SYT13: variants seen among roughly 807,000 people sequenced by gnomAD.
The protein encoded by SYT13 is synaptotagmin 13, also known as synaptotagmin-13.
Under a neutral mutation model 38.6 loss-of-function variants are expected in SYT13, and 21 were observed. The observed-to-expected ratio is 0.54, with a 90% CI of 0.39 to 0.78. The LOEUF (loss-of-function observed/expected upper bound fraction) is 0.78, where lower values mean the gene tolerates loss of function less well. Ranked by LOEUF, SYT13 falls within the 30% of genes least tolerant of loss-of-function variation. SYT13 has a pLI of 0.00. For missense variants in SYT13, 495 were observed against 548.7 expected (o/e 0.90, Z 0.98); for synonymous variants, 241 against 237.6 (o/e 1.01, Z -0.13).
intron 1 of SYT13, among the ~76,000 whole-genome samples, chr11:45,275,907 C>G (rs1378082113): frequency 6.6e-6 from 1 of 152,146 alleles, no homozygotes; most frequent in African/African-American, 2.4e-5. Context: ...GCAGCAGGTG[C>G]AAACTTGCTG....
chr11:45,282,897 T>TA (rs1427150429), intron 1 of SYT13, among the ~76,000 whole-genome samples: 1 of 152,196 alleles, frequency 6.6e-6, no homozygotes, highest in Non-Finnish European at 1.5e-5. Context: ...CCTGTAACCC[T>TA]AACAGTTTGA....
Position 45,244,222 on chromosome 11 carries a change from C to A in SYT13, c.1111G>T (p.Ala371Ser). 1.9e-6 allele frequency: 3 copies of A among 1,614,068 alleles called. No homozygotes were observed. Among genetic ancestry groups the A allele is most frequent in the Non-Finnish European group, 2.5e-6 (3 of 1,180,052 alleles). The change falls in exon 6 of 6, where the codon GCC (alanine) becomes TCC (serine). Residue 371 changes from alanine (A) to serine (S), a missense_variant. Physicochemically the swap from Ala to Ser is moderately conservative, Grantham distance 99. Transcript: ENST00000020926. Reference sequence around the variant, plus strand: ...AGCACTTCCAGCTCCACACTGGAGGCCTGCAGCAGGTCGTCAGGCAGCTCA... The same window carrying A: ...AGCACTTCCAGCTCCACACTGGAGGACTGCAGCAGGTCGTCAGGCAGCTCA... ...MFELPDDLLQASSVELEVLGQ... is the reference protein window; with the variant it reads ...MFELPDDLLQSSSVELEVLGQ...
rs193014906 is a variant in SYT13 at position 45,260,299 on chromosome 11, T to C, written c.184-4408A>G. ...TCAAGGAGCAAAAGCAGCAGCTGAT[T>C]ACCTATCTCCTTCTCTTGTGCAATC... On this transcript the variant is annotated intron_variant, in intron 1 of 5. Coordinates refer to ENST00000020926, the MANE Select transcript of SYT13 (RefSeq NM_020826.3). 2.0e-5 allele frequency among the ~76,000 whole-genome samples: 3 copies of C among 152,350 alleles called. No individual in the cohort carries two copies. In the East Asian group the frequency reaches 5.8e-4, roughly 29 times the overall value.
intron 3 of SYT13, chr11:45,253,736 T>C (rs1854706386): frequency 6.6e-6 from 1 of 152,190 alleles, no homozygotes; most frequent in Non-Finnish European, 1.5e-5. Context: ...CCCTGTCCAA[T>C]TTCAAATTCA....
intron 1 of SYT13, among the ~76,000 whole-genome samples, chr11:45,283,330 C>T (rs1855096091): frequency 6.6e-6 from 1 of 152,146 alleles, no homozygotes; most frequent in African/African-American, 2.4e-5. Context: ...GCCTTGGACA[C>T]CTCTGTTGTG....
intron 1 of SYT13, 142 bp downstream of exon 1, chr11:45,285,883 T>C: frequency 1.1e-6 from 1 of 937,700 alleles, no homozygotes; most frequent in East Asian, 3.8e-5. Context: ...CCTTGACCTG[T>C]CCTCCAACGC....
rs552562002 is a variant in SYT13 at position 45,285,777 on chromosome 11, T to C, written c.183+248A>G. ...TAGGTCTCGCTGCTGGCCCCCATTC[T>C]TCTCTCAGTCCCCACAAGCTCGCCG... On this transcript the variant is annotated intron_variant, in intron 1 of 5. Transcript: ENST00000020926. 4.3e-6 allele frequency: 3 copies of C among 700,384 alleles called. No homozygotes were observed. In the Admixed American group the frequency reaches 6.1e-5, roughly 14 times the overall value. 43.4% of individuals were successfully genotyped at this position (700,384 alleles called of 1,614,324 possible).
Position 45,265,952 on chromosome 11 carries a change from T to C in SYT13, c.184-10061A>G, listed in dbSNP as rs368895430. Reference sequence around the variant, plus strand: ...GGGGAGAATGGACTGGGAAGAGGCATGTGAGGGGTATGGGTTACAGCCTGA... The same window carrying C: ...GGGGAGAATGGACTGGGAAGAGGCACGTGAGGGGTATGGGTTACAGCCTGA... On this transcript the variant is annotated intron_variant, in intron 1 of 5. Coordinates refer to ENST00000020926, the MANE Select transcript of SYT13 (RefSeq NM_020826.3). 1.1e-4 allele frequency among the ~76,000 whole-genome samples: 17 copies of C among 152,074 alleles called. 1 individual carries two copies. Among genetic ancestry groups the C allele is most frequent in the Admixed American group, 9.8e-4 (15 of 15,262 alleles).
chr11:45,260,944 G>C (rs1045646296), intron 1 of SYT13, among the ~76,000 whole-genome samples: 1 of 152,158 alleles, frequency 6.6e-6, no homozygotes, highest in Non-Finnish European at 1.5e-5. Context: ...TGAGTTATGA[G>C]ACACCAGGGA....
chr11:45,266,039 T>C (rs1041299488), intron 1 of SYT13, among the ~76,000 whole-genome samples: 1 of 152,182 alleles, frequency 6.6e-6, no homozygotes, highest in Non-Finnish European at 1.5e-5. Flanking sequence ...TTTCACTGTA[T>C]GCAAATTACA....
At chr11:45,266,091 A>G (rs900720429) in intron 1 of SYT13, among the ~76,000 whole-genome samples, 1 of 152,200 alleles carries the variant, frequency 6.6e-6, no homozygotes, top group African/African-American at 2.4e-5. Flanking sequence ...TTGTACACAC[A>G]TGCACCTCTG....
chr11:45,243,797 G>T lies in SYT13; in HGVS notation c.*255C>A. ...TAACCCCACCTATAAAACAGGCATA[G>T]GAACTGTATTTAATAAGCACCTCCT... is the stretch of plus-strand genomic sequence containing the variant. On this transcript the variant is annotated 3_prime_UTR_variant, in exon 6 of 6. Coordinates refer to ENST00000020926, the MANE Select transcript of SYT13 (RefSeq NM_020826.3). 1 of 452,030 alleles carries T rather than the reference G, an allele frequency of 2.2e-6. No homozygotes were observed. Among genetic ancestry groups the T allele is most frequent in the East Asian group, 3.5e-5 (1 of 28,312 alleles). The allele number at this position is 452,030 out of a possible 1,614,324, so 28.0% of individuals were successfully genotyped here. A position where few individuals can be genotyped will look rare whatever the true frequency, so the allele number is the denominator to read the frequency against.
chr11:45,279,989 C>T (rs1168481151), intron 1 of SYT13, among the ~76,000 whole-genome samples: 1 of 152,132 alleles, frequency 6.6e-6, no homozygotes, highest in East Asian at 1.9e-4. Context: ...CCCATGGCAC[C>T]CTGTGCTTCC....
Position 45,276,280 on chromosome 11 carries a change from C to T in SYT13, c.183+9745G>A, listed in dbSNP as rs1323620413. On this transcript the variant is annotated intron_variant, in intron 1 of 5. Transcript: ENST00000020926. The stretch of plus-strand genomic sequence containing the variant: ...AAAAAGGATGAGTTCATGTCCTTTG[C>T]AGGGATATGGATGAAGCTGGAAACT... 4.6e-5 allele frequency among the ~76,000 whole-genome samples: 7 copies of T among 152,240 alleles called. No homozygotes were observed. In the East Asian group the frequency reaches 1.3e-3, roughly 29 times the overall value.
intron 1 of SYT13, among the ~76,000 whole-genome samples, chr11:45,266,533 CAT>C (rs1491283725): frequency 1.8e-3 from 276 of 149,662 alleles, no homozygotes; most frequent in Non-Finnish European, 2.7e-3. Context: ...CACACACACA[CAT>C]ACACACATCC....
chr11:45,268,403 G>T (rs1854910253), intron 1 of SYT13, among the ~76,000 whole-genome samples: 2 of 150,220 alleles, frequency 1.3e-5, no homozygotes, highest in African/African-American at 4.9e-5. Context: ...GGGGGTGGGG[G>T]TGGGGCGCAG....
At chr11:45,267,842 A>C (rs7123765) in intron 1 of SYT13, among the ~76,000 whole-genome samples, 51,752 of 152,006 alleles carry the variant, frequency 0.34, 9,089 homozygotes, top group African/African-American at 0.41. Context: ...CTTGGCTTCC[A>C]GTCCAGGCGG....
At chr11:45,278,303 G>C (rs926620284) in intron 1 of SYT13, among the ~76,000 whole-genome samples, 1 of 152,186 alleles carries the variant, frequency 6.6e-6, no homozygotes. Context: ...GAGGTGAACT[G>C]CTGCTGGTTA....
intron 4 of SYT13, 106 bp from the exon 5 acceptor site, chr11:45,246,618 C>T (rs937637799): frequency 2.0e-6 from 3 of 1,466,392 alleles, no homozygotes; most frequent in Middle Eastern, 1.8e-4. Flanking sequence ...ATCCAACACG[C>T]ATCCTTGAAA....
Sources: gnomAD v4.1 joint callset for allele counts (sites outside exome capture counted in the v4.1 genomes callset) on GRCh38, gnomAD v4.1.1 for gene constraint, MANE v1.5 for transcripts, NCBI Gene and HGNC (gene_info 2026-07-23, HGNC 2026-07-21) for gene names.